CLNK: variants seen among roughly 807,000 people sequenced by gnomAD.
CLNK encodes the protein cytokine dependent hematopoietic cell linker, also known as cytokine-dependent hematopoietic cell linker.
In CLNK, 74 loss-of-function variants were observed where a neutral mutation model predicts 68.6. That is an observed-to-expected ratio of 1.08 (90% CI 0.89 to 1.31). The LOEUF (loss-of-function observed/expected upper bound fraction) is 1.31, where lower values mean the gene tolerates loss of function less well. Ranked by LOEUF, CLNK falls within the 50% of genes most tolerant of loss-of-function variation. The pLI is 0.00. For missense variants in CLNK, 553 were observed against 515.3 expected (o/e 1.07, Z -0.71); for synonymous variants, 198 against 172.2 (o/e 1.15, Z -1.17).
chr4:10,710,931 C>T, the CLNK span, among the ~76,000 whole-genome samples: 1 of 152,148 alleles, frequency 6.6e-6, no homozygotes, highest in Non-Finnish European at 1.5e-5. Flanking sequence ...AGCCTATTTG[C>T]TTTGACTTTG....
intron 4 of CLNK, among the ~76,000 whole-genome samples, chr4:10,573,225 C>A (rs1000653564): frequency 1.3e-5 from 2 of 152,144 alleles, no homozygotes; most frequent in Admixed American, 1.3e-4. Context: ...ATGCCCAAAT[C>A]TTTTCTAAGG....
At chr4:10,586,194 C>T (rs765170761) in intron 3 of CLNK, among the ~76,000 whole-genome samples, 2 of 152,072 alleles carry the variant, frequency 1.3e-5, no homozygotes, top group South Asian at 2.1e-4. Flanking sequence ...AGTACTGGTT[C>T]GTGGCCTGGG....
intron 18 of CLNK, among the ~76,000 whole-genome samples, chr4:10,492,088 G>A (rs1243406580): frequency 3.3e-5 from 5 of 152,158 alleles, no homozygotes; most frequent in African/African-American, 7.2e-5. Flanking sequence ...ATCCTCCTTA[G>A]CAAGCCTGTG....
At chr4:10,628,093 C>T (rs1722746805) in intron 2 of CLNK, among the ~76,000 whole-genome samples, 1 of 152,222 alleles carries the variant, frequency 6.6e-6, no homozygotes, top group African/African-American at 2.4e-5. Context: ...CAATCTGTTT[C>T]CAGAAAGCAG....
chr4:10,601,440 C>G (rs906329813), intron 2 of CLNK, among the ~76,000 whole-genome samples: 2 of 152,184 alleles, frequency 1.3e-5, no homozygotes, highest in African/African-American at 4.8e-5. Flanking sequence ...TTGAAAATTA[C>G]TTACAAAGAG....
intron 2 of CLNK, among the ~76,000 whole-genome samples, chr4:10,617,645 C>T (rs116821943): frequency 0.027 from 4,073 of 152,276 alleles, 90 homozygotes; most frequent in Middle Eastern, 0.085. Flanking sequence ...GATCCATGAG[C>T]CAAGCCAGAC....
intron 1 of CLNK, among the ~76,000 whole-genome samples, chr4:10,675,815 A>C (rs960839272): frequency 3.7e-4 from 57 of 152,202 alleles, no homozygotes; most frequent in African/African-American, 1.2e-3. Context: ...TCGAGAAGGT[A>C]GGAGGTAGTT....
chr4:10,616,778 ATG>A (rs62931362), intron 2 of CLNK, among the ~76,000 whole-genome samples: 22 of 144,648 alleles, frequency 1.5e-4, no homozygotes, highest in Non-Finnish European at 2.7e-4. Flanking sequence ...GTGTGTATAT[ATG>A]TGTGTGTGTG....
chr4:10,583,451 T>A (rs567470455), intron 4 of CLNK, among the ~76,000 whole-genome samples: 1 of 152,182 alleles, frequency 6.6e-6, no homozygotes, highest in East Asian at 1.9e-4. Flanking sequence ...CATGCCCAGA[T>A]AATTTTAGTA....
intron 18 of CLNK, among the ~76,000 whole-genome samples, chr4:10,494,950 C>T (rs1406980267): frequency 6.6e-6 from 1 of 151,778 alleles, no homozygotes; most frequent in African/African-American, 2.4e-5. Context: ...TATATATGAA[C>T]TGTGGGCGAT....
intron 16 of CLNK, among the ~76,000 whole-genome samples, chr4:10,510,724 A>C (rs1394625435): frequency 4.6e-5 from 7 of 152,170 alleles, no homozygotes; most frequent in African/African-American, 1.7e-4. Context: ...TGGTCTCCAC[A>C]AGGCCTTATC....
intron 2 of CLNK, among the ~76,000 whole-genome samples, chr4:10,621,957 A>G (rs1442790919): frequency 2.0e-5 from 3 of 152,280 alleles, no homozygotes; most frequent in East Asian, 3.9e-4. Flanking sequence ...GAAAATGTAC[A>G]CCGTTAAGTG....
chr4:10,496,562 G>A (rs182047497), intron 18 of CLNK, among the ~76,000 whole-genome samples: 51 of 152,280 alleles, frequency 3.3e-4, no homozygotes, highest in Non-Finnish European at 2.9e-5. Flanking sequence ...CCAAGTAAGT[G>A]TTAACTATTC....
chr4:10,552,417 T>C (rs958262942), intron 8 of CLNK, among the ~76,000 whole-genome samples: 2 of 152,166 alleles, frequency 1.3e-5, no homozygotes, highest in African/African-American at 2.4e-5. Flanking sequence ...TTATAAGACA[T>C]GCAACTTCCC....
chr4:10,588,040 T>C (rs1276975049), intron 3 of CLNK, among the ~76,000 whole-genome samples: 2 of 152,222 alleles, frequency 1.3e-5, no homozygotes, highest in African/African-American at 2.4e-5. Flanking sequence ...CTCTGATGTC[T>C]TGGTCTTTGA....
chr4:10,712,143 G>A, the CLNK span, among the ~76,000 whole-genome samples: 1 of 152,228 alleles, frequency 6.6e-6, no homozygotes, highest in Non-Finnish European at 1.5e-5. Context: ...TATATTTTTG[G>A]AAAATATGTG....
At chr4:10,729,950 G>A in the CLNK span, among the ~76,000 whole-genome samples, 2 of 152,138 alleles carry the variant, frequency 1.3e-5, no homozygotes, top group Non-Finnish European at 1.5e-5. Context: ...ACTGCCATTT[G>A]TTTTTGAAAA....
chr4:10,593,172 G>A (rs1192011884), intron 3 of CLNK, among the ~76,000 whole-genome samples: 3 of 152,180 alleles, frequency 2.0e-5, no homozygotes, highest in Admixed American at 6.5e-5. Flanking sequence ...GCGGCACTCC[G>A]CCTTCTGCAT....
chr4:10,551,849 T>TA (rs369089408), intron 8 of CLNK, among the ~76,000 whole-genome samples: 4,041 of 91,850 alleles, frequency 0.044, 68 homozygotes, highest in Non-Finnish European at 0.06. Flanking sequence ...AGAATTGTAA[T>TA]TTTTTTTTTT....
Sources: gnomAD v4.1 joint callset for allele counts (sites outside exome capture counted in the v4.1 genomes callset) on GRCh38, gnomAD v4.1.1 for gene constraint, MANE v1.5 for transcripts, NCBI Gene and HGNC (gene_info 2026-07-23, HGNC 2026-07-21) for gene names.